The following KCNIP3 variants were observed in gnomAD, a reference collection of about 807,000 sequenced individuals.
The protein encoded by KCNIP3 is calsenilin.
A neutral mutation model predicts 35.0 loss-of-function variants in KCNIP3; 28 were observed. The ratio of observed to expected loss-of-function variants is 0.80; its 90% CI spans 0.59 to 1.10. The LOEUF is 1.10. Among genes scored for constraint, KCNIP3 ranks in the 50% least tolerant of loss-of-function variants. The pLI is 0.00. For synonymous variants in KCNIP3, 134 were observed against 133.8 expected (o/e 1.00, Z -0.01); for missense variants, 295 against 338.4 (o/e 0.87, Z 1.01).
chr2:95,300,715 C>G (rs1036309411), intron 1 of KCNIP3, among the ~76,000 whole-genome samples: 78 of 152,210 alleles, frequency 5.1e-4, no homozygotes, highest in African/African-American at 1.8e-3. Context: ...AAAGAGCAGC[C>G]CTGTGGCAGG....
chr2:95,337,451 A>G (rs1278941665), intron 2 of KCNIP3, among the ~76,000 whole-genome samples: 6 of 152,170 alleles, frequency 3.9e-5, no homozygotes, highest in Non-Finnish European at 7.4e-5. Flanking sequence ...GGTTAAAAAT[A>G]CAAATTTATT....
In KCNIP3 at chr2:95,324,339, G is replaced by A. The variant is rs543466360; in HGVS notation, c.181+13819G>A. 1.3e-4 allele frequency among the ~76,000 whole-genome samples: 19 copies of A among 151,840 alleles called. No homozygotes were observed. In the East Asian group the frequency reaches 2.0e-3, roughly 16 times the overall value. On this transcript the variant is annotated intron_variant, in intron 2 of 8. Coordinates refer to ENST00000295225, the MANE Select transcript of KCNIP3 (RefSeq NM_013434.5). Reference sequence around the variant, plus strand: ...ATCCTGGCTAACACGGTGAAACCCCGTCTCTACTAAAAAATACCAAAAAAA... The same window carrying A: ...ATCCTGGCTAACACGGTGAAACCCCATCTCTACTAAAAAATACCAAAAAAA...
chr2:95,383,122 C>CCAAA, intron 7 of KCNIP3, 110 bp from the exon 8 acceptor site: 2 of 415,476 alleles, frequency 4.8e-6, no homozygotes, highest in Non-Finnish European at 4.6e-6. Context: ...CCCACCCGCC[C>CCAAA]ATCCACCCAC....
chr2:95,326,897 G>A (rs1040286030), intron 2 of KCNIP3, among the ~76,000 whole-genome samples: 9 of 152,304 alleles, frequency 5.9e-5, no homozygotes, highest in East Asian at 1.9e-4. Context: ...GCACTCATGC[G>A]TGGGGCCCTC....
At chr2:95,346,929 C>A in intron 2 of KCNIP3, 2 of 716,844 alleles carry the variant, frequency 2.8e-6, no homozygotes, top group Non-Finnish European at 4.0e-6. Context: ...CCCGAGAGGC[C>A]GTGCGGGCTG....
intron 2 of KCNIP3, among the ~76,000 whole-genome samples, chr2:95,351,175 C>T (rs1679511005): frequency 6.6e-6 from 1 of 152,248 alleles, no homozygotes; most frequent in Non-Finnish European, 1.5e-5. Context: ...AGCCTGAAGA[C>T]TACTGCCCTG....
At chr2:95,317,475 G>A (rs1461117608) in intron 2 of KCNIP3, among the ~76,000 whole-genome samples, 8 of 152,154 alleles carry the variant, frequency 5.3e-5, no homozygotes, top group African/African-American at 1.9e-4. Context: ...ACCTGAGAAG[G>A]CAAACCCAAG....
intron 1 of KCNIP3, among the ~76,000 whole-genome samples, chr2:95,297,968 C>T (rs1343942900): frequency 6.6e-6 from 1 of 152,216 alleles, no homozygotes; most frequent in Non-Finnish European, 1.5e-5. Context: ...TGAGTGCCCA[C>T]TTCCTCTGAA....
intron 5 of KCNIP3, among the ~76,000 whole-genome samples, chr2:95,379,667 C>T (rs778669953): frequency 1.3e-5 from 2 of 152,216 alleles, no homozygotes; most frequent in African/African-American, 2.4e-5. Flanking sequence ...TTGCTTGATC[C>T]ATTGTAGGGA....
chr2:95,367,163 C>G (rs1318624754), intron 2 of KCNIP3, among the ~76,000 whole-genome samples: 1 of 152,024 alleles, frequency 6.6e-6, no homozygotes, highest in East Asian at 1.9e-4. Context: ...GTCCCAGTTA[C>G]TCGGGAGACT....
chr2:95,339,748 T>A (rs1679148243), intron 2 of KCNIP3, among the ~76,000 whole-genome samples: 1 of 152,208 alleles, frequency 6.6e-6, no homozygotes, highest in Non-Finnish European at 1.5e-5. Flanking sequence ...GGTATCTCCA[T>A]CTCTCTTTCC....
At chr2:95,297,723 A>G (rs1359516113) in intron 1 of KCNIP3, among the ~76,000 whole-genome samples, 2 of 151,482 alleles carry the variant, frequency 1.3e-5, no homozygotes, top group African/African-American at 4.9e-5. Flanking sequence ...CTCCCTTTGG[A>G]TGGGAGAGGT....
intron 2 of KCNIP3, chr2:95,346,967 G>T: frequency 5.7e-6 from 8 of 1,391,390 alleles, no homozygotes; most frequent in Non-Finnish European, 7.9e-6. Context: ...CCGAGGCAGC[G>T]CGTGGGCGAG....
rs3772045 is a variant in KCNIP3, at chr2:95,299,422, G to A, written c.15+1969G>A. Among the ~76,000 whole-genome samples, 15 of 152,306 alleles carry A rather than the reference G, an allele frequency of 9.8e-5. No individual in the cohort carries two copies. The East Asian group carries it at 2.3e-3, about 24-fold the overall frequency. ...AGGTGTTCTGACTCCTCAGGGTCAC[G>A]GTCAGTGGCTGTCCCCCAGTAACGC... On this transcript the variant is annotated intron_variant, in intron 1 of 8. Transcript: ENST00000295225.
chr2:95,326,937 G>A (rs958645205), intron 2 of KCNIP3, among the ~76,000 whole-genome samples: 3 of 152,148 alleles, frequency 2.0e-5, no homozygotes, highest in African/African-American at 7.2e-5. Context: ...CCTCATGGCC[G>A]CTCTCCTCAG....
At chr2:95,368,485 C>A (rs1186272024) in intron 2 of KCNIP3, 1 of 203,964 alleles carries the variant, frequency 4.9e-6, no homozygotes, top group African/African-American at 2.3e-5. Context: ...AAAGAACTTA[C>A]TCATGTAAGC....
At chr2:95,326,520 C>A (rs75899941) in intron 2 of KCNIP3, among the ~76,000 whole-genome samples, 1 of 152,234 alleles carries the variant, frequency 6.6e-6, no homozygotes, top group Admixed American at 6.5e-5. Context: ...GTAACTGGAC[C>A]GGCCTGCCGG....
chr2:95,298,341 C>T (rs1183859751), intron 1 of KCNIP3, among the ~76,000 whole-genome samples: 1 of 151,936 alleles, frequency 6.6e-6, no homozygotes, highest in Non-Finnish European at 1.5e-5. Context: ...GGCTTGGAGG[C>T]CGCCTGATCA....
chr2:95,298,879 C>G (rs1386099615), intron 1 of KCNIP3: 1 of 152,208 alleles, frequency 6.6e-6, no homozygotes, highest in African/African-American at 2.4e-5. Flanking sequence ...GCAACCGTGC[C>G]CATAGGCAGA....
Sources: allele counts gnomAD v4.1 joint callset (sites outside exome capture counted in the v4.1 genomes callset), GRCh38; gene constraint gnomAD v4.1.1; transcripts MANE v1.5; gene names NCBI Gene and HGNC (gene_info 2026-07-23, HGNC 2026-07-21).